ALDH1A1: variants seen among roughly 807,000 people sequenced by gnomAD.
ALDH1A1 encodes aldehyde dehydrogenase 1A1.
A neutral mutation model predicts 62.1 loss-of-function variants in ALDH1A1; 19 were observed. The ratio of observed to expected loss-of-function variants is 0.31; its 90% CI spans 0.21 to 0.45. The LOEUF (loss-of-function observed/expected upper bound fraction) is 0.45. Ranked by LOEUF, ALDH1A1 falls within the 20% of genes least tolerant of loss-of-function variation. The pLI, the probability that ALDH1A1 is intolerant of heterozygous loss-of-function variation, is 1.00. For synonymous variants in ALDH1A1, 231 were observed against 215.9 expected, an observed-to-expected ratio of 1.07 and a Z score of -0.61; for missense variants, 521 against 607.1, an observed-to-expected ratio of 0.86 and a Z score of 1.49.
Position 72,909,707 on chromosome 9 carries a change from A to G in ALDH1A1, c.1253T>C (p.Ile418Thr). 1 of 1,613,818 alleles carries G rather than the reference A, an allele frequency of 6.2e-7. No homozygotes were observed. Among genetic ancestry groups the G allele is most frequent in the South Asian group, 1.1e-5 (1 of 91,062 alleles). The change falls in exon 11 of 13, where the codon ATC becomes ACC. Residue 418 changes from isoleucine to threonine, a missense_variant. Coordinates refer to ENST00000297785, the MANE Select transcript of ALDH1A1 (RefSeq NM_000689.5). ...IMKFKSLDDV[I>T]KRANNTFYGL... ...ATAGAAAGTATTGTTTGCTCTTTTG[A>G]TCACGTCATCTAAAGATTTAAACTT...
At chr9:72,938,008 C>T (rs751356520) in intron 2 of ALDH1A1, among the ~76,000 whole-genome samples, 8 of 152,112 alleles carry the variant, frequency 5.3e-5, no homozygotes, top group Non-Finnish European at 1.2e-4. Flanking sequence ...CCAAGGGCCT[C>T]TCCTAAATCT....
At chr9:72,926,356 T>C (rs926347184) in intron 5 of ALDH1A1, among the ~76,000 whole-genome samples, 1 of 152,258 alleles carries the variant, frequency 6.6e-6, no homozygotes, top group African/African-American at 2.4e-5. Context: ...ACTAAAATAT[T>C]GATATGAATA....
At chr9:72,931,684 G>A (rs1421840797) in intron 2 of ALDH1A1, among the ~76,000 whole-genome samples, 1 of 152,168 alleles carries the variant, frequency 6.6e-6, no homozygotes, top group Non-Finnish European at 1.5e-5. Context: ...TTAGAAACAT[G>A]TGCTCATTCC....
rs981055688 is a variant in ALDH1A1 at position 72,933,456 on chromosome 9, G to A, written c.172-2437C>T. On this transcript the variant is annotated intron_variant, in intron 2 of 12. Transcript: ENST00000297785. ...AAGGTATGTTGCTTGGTGTGGTGGC[G>A]TGTGCCTGTAGTCCCAGCTACCCAG... 1.1e-4 allele frequency among the ~76,000 whole-genome samples: 16 copies of A among 151,872 alleles called. 1 individual carries two copies. The highest frequency in any genetic ancestry group is 2.1e-4 in the South Asian group (1 of 4,806).
intron 4 of ALDH1A1, 115 bp from the exon 5 acceptor site, chr9:72,927,292 GC>G: frequency 2.8e-6 from 2 of 709,236 alleles, no homozygotes; most frequent in Non-Finnish European, 4.6e-6. Flanking sequence ...CATATATCTG[GC>G]CAGGTGTGGT....
At chr9:72,929,962 G>A (rs113745201) in intron 3 of ALDH1A1, among the ~76,000 whole-genome samples, 14 of 152,244 alleles carry the variant, frequency 9.2e-5, no homozygotes, top group South Asian at 2.1e-4. Context: ...ATAGCTGCTC[G>A]TTCTGAATTT....
intron 7 of ALDH1A1, 21 bp from the exon 8 acceptor site, chr9:72,918,843 G>A (rs1386841584): frequency 3.2e-6 from 5 of 1,580,616 alleles, no homozygotes; most frequent in Non-Finnish European, 4.3e-6. Flanking sequence ...GCATTACAAA[G>A]GAGGAGGCTT....
intron 7 of ALDH1A1, chr9:72,923,805 G>A: frequency 2.8e-6 from 1 of 354,946 alleles, no homozygotes; most frequent in Non-Finnish European, 5.0e-6. Context: ...ACTAAAAATA[G>A]TTTACTCTCA....
At chr9:72,943,428 T>C (rs1324844450) in intron 1 of ALDH1A1, among the ~76,000 whole-genome samples, 1 of 152,178 alleles carries the variant, frequency 6.6e-6, no homozygotes, top group Non-Finnish European at 1.5e-5. Flanking sequence ...GCATCTAAGC[T>C]GTACATAAAA....
chr9:72,920,077 T>C (rs1262032281), intron 7 of ALDH1A1, among the ~76,000 whole-genome samples: 2 of 152,166 alleles, frequency 1.3e-5, no homozygotes, highest in African/African-American at 4.8e-5. Flanking sequence ...TAGGTTTCTT[T>C]TTTTTACTCT....
At chr9:72,925,383 A>G (rs1830191911) in intron 6 of ALDH1A1, 101 bp downstream of exon 6, 1 of 1,375,036 alleles carries the variant, frequency 7.3e-7, no homozygotes, top group Admixed American at 2.2e-5. Context: ...GACAGGAGCC[A>G]TCTGTAAATA....
chr9:72,926,096 A>T (rs1414028694), intron 5 of ALDH1A1, among the ~76,000 whole-genome samples: 1 of 152,176 alleles, frequency 6.6e-6, no homozygotes, highest in African/African-American at 2.4e-5. Flanking sequence ...TCTCAGCTCA[A>T]TCACTGACCA....
At chr9:72,952,567 C>T (rs1387533532) in intron 1 of ALDH1A1, among the ~76,000 whole-genome samples, 1 of 151,854 alleles carries the variant, frequency 6.6e-6, no homozygotes, top group Admixed American at 6.6e-5. Flanking sequence ...TGTTCCTACT[C>T]GTTTGGTTCT....
intron 2 of ALDH1A1, among the ~76,000 whole-genome samples, chr9:72,932,354 C>T (rs1254922193): frequency 6.6e-6 from 1 of 152,128 alleles, no homozygotes; most frequent in Non-Finnish European, 1.5e-5. Context: ...AAATTAACAT[C>T]CTCCTCCTTA....
chr9:72,940,176 T>A lies in ALDH1A1; in HGVS notation c.143A>T (p.Glu48Val), dbSNP rs1231085499. The A allele has an allele frequency of 6.2e-7, 1 of 1,613,160 alleles. No individual in the cohort carries two copies. The highest frequency in any genetic ancestry group is 1.3e-5 in the African/African-American group (1 of 74,862). ...ATCTCCTTCTTCTACCTGGCAGAGC[T>A]CCTCCTCAGTTGCAGGATTAAAGAC... is the stretch of plus-strand genomic sequence containing the variant. Reference protein sequence around the residue: ...FPVFNPATEEELCQVEEGDKE... With the variant: ...FPVFNPATEEVLCQVEEGDKE... Residue 48 changes from glutamate to valine, a missense_variant, in exon 2 of 13, where the codon GAG becomes GTG. Transcript: ENST00000297785.
intron 1 of ALDH1A1, among the ~76,000 whole-genome samples, chr9:72,946,733 A>G (rs1239083146): frequency 6.6e-6 from 1 of 151,938 alleles, no homozygotes; most frequent in East Asian, 1.9e-4. Context: ...TGATAAATCA[A>G]ACCAAAGTGC....
intron 2 of ALDH1A1, 150 bp downstream of exon 2, chr9:72,939,998 A>G (rs112806089): frequency 1.9e-5 from 10 of 514,944 alleles, no homozygotes; most frequent in African/African-American, 4.0e-5. Context: ...TTTTTTGGTA[A>G]CAAGGACAAC....
Position 72,940,209 on chromosome 9 carries a change from T to C in ALDH1A1, c.110A>G (p.Lys37Arg), listed in dbSNP as rs765584004. The change falls in exon 2 of 13, where the codon AAA becomes AGA. Residue 37 changes from lysine (K) to arginine (R), a missense_variant. Transcript: ENST00000297785. ...AGTTGCAGGATTAAAGACAGGAAAT[T>C]TCTTGCCACTCACTGAATCATGCCA... ...NEWHDSVSGK[K>R]FPVFNPATEE... 1.2e-6 allele frequency: 2 copies of C among 1,613,790 alleles called. No individual in the cohort carries two copies. The highest frequency in any genetic ancestry group is 2.2e-5 in the South Asian group (2 of 91,074).
At chr9:72,906,418 T>C (rs1425077722) in intron 11 of ALDH1A1, among the ~76,000 whole-genome samples, 1 of 152,192 alleles carries the variant, frequency 6.6e-6, no homozygotes, top group Non-Finnish European at 1.5e-5. Context: ...GTAATTCTCT[T>C]GATGTTTCTG....
Sources: gnomAD v4.1 joint callset for allele counts (sites outside exome capture counted in the v4.1 genomes callset) on GRCh38, gnomAD v4.1.1 for gene constraint, MANE v1.5 for transcripts, NCBI Gene and HGNC (gene_info 2026-07-23, HGNC 2026-07-21) for gene names.